Variants in CABLES1 observed in about 807,000 individuals in gnomAD.
CABLES1 encodes the protein Cdk5 and Abl enzyme substrate 1.
A neutral mutation model predicts 57.8 loss-of-function variants in CABLES1; 36 were observed. The observed-to-expected ratio is 0.62, with a 90% CI of 0.48 to 0.82. CABLES1 has a LOEUF of 0.82. Among genes scored for constraint, CABLES1 ranks in the 40% least tolerant of loss-of-function variants. The pLI, the probability that CABLES1 is intolerant of heterozygous loss-of-function variation, is 0.00. For missense variants in CABLES1, 767 were observed against 836.6 expected, an observed-to-expected ratio of 0.92 and a Z score of 1.03; for synonymous variants, 374 against 363.0, an observed-to-expected ratio of 1.03 and a Z score of -0.35.
Position 23,253,020 on chromosome 18 carries a change from AAGG to A in CABLES1, c.1510_1512del (p.Glu504del). ...CAAGAAGGACATGAACGAGACCTTCAAGGAGAAGTTTCCTCACATTAAGCTGAC... is the reference window on the plus strand; with the variant it reads ...CAAGAAGGACATGAACGAGACCTTCAAGAAGTTTCCTCACATTAAGCTGAC... On this transcript the variant is annotated inframe_deletion, in exon 8 of 10. Transcript: ENST00000256925. The A allele has an allele frequency of 6.2e-7, 1 of 1,613,886 alleles. No homozygotes were observed. The highest frequency in any genetic ancestry group is 8.5e-7 in the Non-Finnish European group (1 of 1,179,794).
At chr18:23,222,364 A>G (rs2047493849) in intron 4 of CABLES1, among the ~76,000 whole-genome samples, 1 of 151,262 alleles carries the variant, frequency 6.6e-6, no homozygotes, top group African/African-American at 2.4e-5. Flanking sequence ...CTTATTTTTC[A>G]CTTGTGGGTG....
intron 1 of CABLES1, among the ~76,000 whole-genome samples, chr18:23,140,611 A>AT (rs891345501): frequency 4.6e-5 from 7 of 151,828 alleles, no homozygotes; most frequent in African/African-American, 1.7e-4. Flanking sequence ...TGATTTTGGT[A>AT]TTTTTTAGTA....
At chr18:23,181,816 T>C (rs529077546) in intron 1 of CABLES1, among the ~76,000 whole-genome samples, 1 of 152,286 alleles carries the variant, frequency 6.6e-6, no homozygotes, top group South Asian at 2.1e-4. Flanking sequence ...CCAAAGCAAA[T>C]AATGACAAGC....
At chr18:23,236,884 G>A (rs2047620555) in intron 6 of CABLES1, among the ~76,000 whole-genome samples, 1 of 152,164 alleles carries the variant, frequency 6.6e-6, no homozygotes, top group South Asian at 2.1e-4. Flanking sequence ...CTGGCCCAGG[G>A]AGATTAAGAC....
chr18:23,135,226 C>T (rs2046808615), upstream of CABLES1, among the ~76,000 whole-genome samples: 1 of 152,144 alleles, frequency 6.6e-6, no homozygotes, highest in African/African-American at 2.4e-5. Context: ...GTCGCCAACT[C>T]TCCCAGCAGG....
At chr18:23,256,605 C>A (rs1327686319) in intron 9 of CABLES1, among the ~76,000 whole-genome samples, 2 of 152,222 alleles carry the variant, frequency 1.3e-5, no homozygotes, top group Middle Eastern at 6.8e-3. Context: ...TTCAACCTCC[C>A]GAGGAGCTGG....
At chr18:23,248,531 TTTTTTTTA>T (rs1228382274) in intron 7 of CABLES1, among the ~76,000 whole-genome samples, 19 of 139,616 alleles carry the variant, frequency 1.4e-4, no homozygotes, top group Non-Finnish European at 2.3e-4. Flanking sequence ...TTTTTTTTTT[TTTTTTTTA>T]AAAAAAGGCT....
intron 1 of CABLES1, among the ~76,000 whole-genome samples, chr18:23,180,203 G>A (rs1374324320): frequency 1.3e-5 from 2 of 152,170 alleles, no homozygotes; most frequent in African/African-American, 4.8e-5. Flanking sequence ...TTACAGGCAT[G>A]AGCCACCGCG....
intron 1 of CABLES1, among the ~76,000 whole-genome samples, chr18:23,188,321 G>A (rs570015185): frequency 1.3e-5 from 2 of 152,042 alleles, no homozygotes; most frequent in Non-Finnish European, 2.9e-5. Flanking sequence ...TTTTTTTCTT[G>A]TTCCTAGTTG....
rs927970426 is a variant in CABLES1, at chr18:23,148,109, C to T, written c.845+11502C>T. 9.2e-5 allele frequency among the ~76,000 whole-genome samples: 14 copies of T among 151,752 alleles called. No homozygotes were observed. In the East Asian group the frequency reaches 2.5e-3, roughly 27 times the overall value. On this transcript the variant is annotated intron_variant, in intron 1 of 9. Transcript: ENST00000256925. ...GATTCACGCCATTCTGCTGCCTCAGCCTCCCGAGTAGCTGGGACTACAGGC... is the reference window on the plus strand; with the variant it reads ...GATTCACGCCATTCTGCTGCCTCAGTCTCCCGAGTAGCTGGGACTACAGGC...
chr18:23,141,153 T>C (rs1331047065), intron 1 of CABLES1, among the ~76,000 whole-genome samples: 1 of 152,208 alleles, frequency 6.6e-6, no homozygotes, highest in African/African-American at 2.4e-5. Flanking sequence ...TTGTTCCTGT[T>C]GTCAGGCCAA....
chr18:23,218,602 AC>A (rs2047461368), intron 4 of CABLES1, among the ~76,000 whole-genome samples: 1 of 77,768 alleles, frequency 1.3e-5, no homozygotes, highest in South Asian at 6.4e-4. Context: ...CCGCATCCTC[AC>A]TTGCCCTGGC....
intron 3 of CABLES1, among the ~76,000 whole-genome samples, chr18:23,195,153 C>T (rs746254689): frequency 1.3e-5 from 2 of 152,218 alleles, no homozygotes; most frequent in Non-Finnish European, 2.9e-5. Context: ...TAAAACCTTC[C>T]AGACAACAGA....
At chr18:23,196,543 C>G (rs757002394) in intron 3 of CABLES1, among the ~76,000 whole-genome samples, 27 of 152,320 alleles carry the variant, frequency 1.8e-4, no homozygotes, top group African/African-American at 6.3e-4. Context: ...AATGAGAGGA[C>G]ATGACCCAGC....
intron 4 of CABLES1, among the ~76,000 whole-genome samples, chr18:23,224,471 A>G (rs909989288): frequency 2.0e-5 from 3 of 151,972 alleles, no homozygotes; most frequent in African/African-American, 7.2e-5. Flanking sequence ...AGGGAGATGA[A>G]TGAAATAGTA....
At chr18:23,151,218 C>T (rs1426011035) in intron 1 of CABLES1, among the ~76,000 whole-genome samples, 1 of 152,084 alleles carries the variant, frequency 6.6e-6, no homozygotes, top group Non-Finnish European at 1.5e-5. Context: ...CGGGGTTTCA[C>T]TGTGTTAGGC....
intron 1 of CABLES1, among the ~76,000 whole-genome samples, chr18:23,143,727 G>A (rs1338829237): frequency 1.3e-5 from 2 of 152,034 alleles, no homozygotes; most frequent in East Asian, 1.9e-4. Flanking sequence ...GGTCCCCTTG[G>A]CCCCTTCCTG....
chr18:23,230,566 T>G (rs565540560), intron 4 of CABLES1, among the ~76,000 whole-genome samples: 1 of 152,306 alleles, frequency 6.6e-6, no homozygotes, highest in East Asian at 1.9e-4. Flanking sequence ...AAAGTTGCCC[T>G]CTGCCATCAC....
chr18:23,175,763 G>C (rs1404128419), intron 1 of CABLES1, among the ~76,000 whole-genome samples: 1 of 152,162 alleles, frequency 6.6e-6, no homozygotes, highest in Non-Finnish European at 1.5e-5. Context: ...GAGCTTTTAA[G>C]GTACACCCTT....
Sources: gnomAD v4.1 joint callset for allele counts (sites outside exome capture counted in the v4.1 genomes callset) on GRCh38, gnomAD v4.1.1 for gene constraint, MANE v1.5 for transcripts, NCBI Gene and HGNC (gene_info 2026-07-23, HGNC 2026-07-21) for gene names.